The following TRIP12 variants were observed in gnomAD, a reference collection of about 807,000 sequenced individuals.
TRIP12 encodes E3 ubiquitin-protein ligase TRIP12.
In TRIP12, 25 loss-of-function variants were observed where a neutral mutation model predicts 244.2. The ratio of observed to expected loss-of-function variants is 0.10; its 90% CI spans 0.07 to 0.14. The LOEUF is 0.14. TRIP12 is among the 10% of genes least tolerant of loss of function. TRIP12 has a pLI of 1.00. For missense variants in TRIP12, 1,677 were observed against 2,486.4 expected (o/e 0.67, Z 6.92); for synonymous variants, 905 against 873.1 (o/e 1.04, Z -0.64).
intron 4 of TRIP12, among the ~76,000 whole-genome samples, chr2:229,846,415 T>C (rs951680682): frequency 2.0e-5 from 3 of 152,210 alleles, no homozygotes; most frequent in South Asian, 2.1e-4. Flanking sequence ...CAGATGATCA[T>C]TAGCAATTTT....
intron 1 of TRIP12, among the ~76,000 whole-genome samples, chr2:229,892,385 G>A (rs949190909): frequency 5.9e-5 from 9 of 152,140 alleles, no homozygotes; most frequent in African/African-American, 2.2e-4. Flanking sequence ...GTCAACAGTG[G>A]AGCAGAGAGA....
chr2:229,788,139 T>C (rs997448145), intron 32 of TRIP12, among the ~76,000 whole-genome samples: 1 of 152,228 alleles, frequency 6.6e-6, no homozygotes, highest in African/African-American at 2.4e-5. Flanking sequence ...ATACTTCTTA[T>C]ATGAAATTTC....
At position 229,797,785 on chromosome 2, in the gene TRIP12, C is replaced by T. The variant is rs945535418; in HGVS notation, c.3529G>A (p.Glu1177Lys). 8 of 1,613,956 alleles carry T rather than the reference C, an allele frequency of 5.0e-6. No individual in the cohort carries two copies. Among genetic ancestry groups the T allele is most frequent in the Non-Finnish European group, 6.8e-6 (8 of 1,179,914 alleles). The change falls in exon 24 of 42, where the codon GAA becomes AAA. Residue 1177 changes from glutamate to lysine, a missense_variant. Coordinates refer to ENST00000675903, the MANE Select transcript of TRIP12 (RefSeq NM_001348323.3). ...ATATTCTCAGAACTGAAATAACGTT[C>T]TACAAATTTATGTGCCTGCTCCTTA... ...WIKEQAHKFV[E>K]RYFSSENMDG...
intron 2 of TRIP12, among the ~76,000 whole-genome samples, chr2:229,869,575 G>C (rs2062162962): frequency 6.6e-6 from 1 of 152,020 alleles, no homozygotes; most frequent in South Asian, 2.1e-4. Flanking sequence ...TTGCTTTCTG[G>C]GTTCTTTCCC....
At chr2:229,850,047 A>C in intron 4 of TRIP12, among the ~76,000 whole-genome samples, 1 of 152,230 alleles carries the variant, frequency 6.6e-6, no homozygotes, top group Non-Finnish European at 1.5e-5. Context: ...CATATATCAG[A>C]ATCAGAAGTG....
In TRIP12 at chr2:229,777,426, A is replaced by C; in HGVS notation, c.5418T>G (p.Thr1806=). The part of the protein sequence containing the change: ...PFYKWMLRQE[T]SLTSHDLFDI... ...CAAACAAATCGTGTGATGTCAGTGAAGTTTCTTGCCGTAGCATCCATTTAT... is the reference window on the plus strand; with the variant it reads ...CAAACAAATCGTGTGATGTCAGTGACGTTTCTTGCCGTAGCATCCATTTAT... Residue 1806 remains threonine (T), a synonymous_variant, in exon 37 of 42, where the codon ACT becomes ACG. Coordinates refer to ENST00000675903, the MANE Select transcript of TRIP12 (RefSeq NM_001348323.3). 1 of 1,613,944 alleles carries C rather than the reference A, an allele frequency of 6.2e-7. No homozygotes were observed. The highest frequency in any genetic ancestry group is 8.5e-7 in the Non-Finnish European group (1 of 1,179,874).
At chr2:229,811,759 A>G (rs1186425303) in intron 13 of TRIP12, among the ~76,000 whole-genome samples, 3 of 152,246 alleles carry the variant, frequency 2.0e-5, no homozygotes, top group Non-Finnish European at 4.4e-5. Context: ...AACATTTGAA[A>G]TAAGTGTCAT....
At chr2:229,876,137 G>A (rs953183909) in intron 2 of TRIP12, among the ~76,000 whole-genome samples, 1 of 152,020 alleles carries the variant, frequency 6.6e-6, no homozygotes, top group African/African-American at 2.4e-5. Flanking sequence ...AGCCAGGTGT[G>A]GTGGCCCGTG....
chr2:229,840,952 T>A (rs980788619), intron 4 of TRIP12, 25 bp from the exon 5 acceptor site: 5 of 1,480,926 alleles, frequency 3.4e-6, no homozygotes, highest in Non-Finnish European at 4.6e-6. Flanking sequence ...TGGAAAAGTG[T>A]AATTTTATAA....
At chr2:229,795,844 T>C (rs1172749149) in intron 25 of TRIP12, among the ~76,000 whole-genome samples, 1 of 152,200 alleles carries the variant, frequency 6.6e-6, no homozygotes, top group African/African-American at 2.4e-5. Flanking sequence ...CTAATGAATC[T>C]CCAATAAATA....
At position 229,912,637 on chromosome 2, in the gene TRIP12, T is replaced by C. The variant is rs187055523; in HGVS notation, c.-50+9243A>G. Among the ~76,000 whole-genome samples the C allele has an allele frequency of 3.2e-3, 485 of 152,320 alleles. 2 individuals carry two copies. Among genetic ancestry groups the C allele is most frequent in the Middle Eastern group, 6.8e-3 (2 of 294 alleles). On this transcript the variant is annotated intron_variant, in intron 1 of 41. Coordinates refer to ENST00000675903, the MANE Select transcript of TRIP12 (RefSeq NM_001348323.3). ...TTCCTAAGTAACTTCAACCCAGAAC[T>C]GAACCTCTCTAAACTTCCAAGTACC...
chr2:229,795,366 C>A, intron 25 of TRIP12, 36 bp from the exon 26 acceptor site: 2 of 1,567,778 alleles, frequency 1.3e-6, no homozygotes, highest in Non-Finnish European at 8.6e-7. Context: ...TTAAACAAAG[C>A]CTTTTCAAAA....
chr2:229,783,810 TA>T lies in TRIP12; in HGVS notation c.5094+1946del, dbSNP rs554779208. ...AGTTGAAAATAACCAAACCATCTTT[TA>T]AAAAAAAAAAAAAAAAAGGCCAGGC... On this transcript the variant is annotated intron_variant, in intron 34 of 41. Transcript: ENST00000675903. Among the ~76,000 whole-genome samples the T allele has an allele frequency of 9.7e-3, 1,215 of 125,190 alleles. 9 individuals are homozygous for T. Among genetic ancestry groups the T allele is most frequent in the African/African-American group, 0.023 (793 of 33,768 alleles). 82.1% of individuals were successfully genotyped at this position (125,190 alleles called of 152,430 possible). A position where few individuals can be genotyped will look rare whatever the true frequency, so the allele number is the denominator to read the frequency against.
At chr2:229,848,485 G>C (rs1051661523) in intron 4 of TRIP12, among the ~76,000 whole-genome samples, 1 of 151,784 alleles carries the variant, frequency 6.6e-6, no homozygotes, top group Non-Finnish European at 1.5e-5. Context: ...GGCAAACATG[G>C]GGGAAAAAAA....
chr2:229,794,042 T>C (rs2042195524), intron 26 of TRIP12, among the ~76,000 whole-genome samples: 1 of 152,054 alleles, frequency 6.6e-6, no homozygotes, highest in South Asian at 2.1e-4. Context: ...TTATATAAAT[T>C]TGGACACAAA....
Position 229,789,725 on chromosome 2 carries a change from A to G in TRIP12, c.4581T>C (p.Val1527=). 6.2e-7 allele frequency: 1 copy of G among 1,614,096 alleles called. No homozygotes were observed. The highest frequency in any genetic ancestry group is 8.5e-7 in the Non-Finnish European group (1 of 1,179,998). The part of the protein sequence containing the change: ...VCPSVSNPLE[V]YLIPTPPENI... ...TTTCAGGTGGTGTGGGAATGAGGTA[A>G]ACTTCTAAAGGATTTGATACTGATG... The change falls in exon 31 of 42, where the codon GTT becomes GTC. Residue 1527 remains valine (V), a synonymous_variant. Transcript: ENST00000675903.
At chr2:229,898,651 A>T (rs1389654766) in intron 1 of TRIP12, among the ~76,000 whole-genome samples, 1 of 151,962 alleles carries the variant, frequency 6.6e-6, no homozygotes, top group Non-Finnish European at 1.5e-5. Flanking sequence ...TACACAGTAT[A>T]AAAAAAAGAT....
rs747359365 is a variant in TRIP12 at position 229,795,199 on chromosome 2, A to G, written c.3948T>C (p.Ser1316=). The stretch of plus-strand genomic sequence containing the variant: ...CTTACCTGCCTCCTGTCCCATTTCC[A>G]CTAGGGAAATCATGTACTTTGACTG... ...QFPVKVHDFP[S]GNGTGGSFSL... Residue 1316 remains serine, a synonymous_variant, in exon 26 of 42, where the codon AGT becomes AGC. Transcript: ENST00000675903. 32 of 1,613,784 alleles carry G rather than the reference A, an allele frequency of 2.0e-5. No homozygotes were observed. The highest frequency in any genetic ancestry group is 2.7e-5 in the Non-Finnish European group (32 of 1,179,892).
chr2:229,843,834 A>T (rs2057026280), intron 4 of TRIP12, among the ~76,000 whole-genome samples: 1 of 152,106 alleles, frequency 6.6e-6, no homozygotes, highest in Non-Finnish European at 1.5e-5. Context: ...AAGGCCATAG[A>T]TTACACTACT....
Sources: allele counts gnomAD v4.1 joint callset (sites outside exome capture counted in the v4.1 genomes callset), GRCh38; gene constraint gnomAD v4.1.1; transcripts MANE v1.5; gene names NCBI Gene and HGNC (gene_info 2026-07-23, HGNC 2026-07-21).